Variants in LGR5 observed in about 807,000 individuals in gnomAD.
LGR5 encodes leucine rich repeat containing G protein-coupled receptor 5.
Under a neutral mutation model 76.7 loss-of-function variants are expected in LGR5, and 54 were observed. That is an observed-to-expected ratio of 0.70 (90% CI 0.57 to 0.88). The LOEUF (loss-of-function observed/expected upper bound fraction) is 0.88. Among genes scored for constraint, LGR5 ranks in the 40% least tolerant of loss-of-function variants. LGR5 has a pLI of 0.00. For missense variants in LGR5, 1,078 were observed against 1,073.3 expected (o/e 1.00, Z -0.06); for synonymous variants, 406 against 421.9 (o/e 0.96, Z 0.46).
At chr12:71,498,354 T>C (rs1413268813) in intron 1 of LGR5, among the ~76,000 whole-genome samples, 4 of 152,158 alleles carry the variant, frequency 2.6e-5, no homozygotes, top group African/African-American at 9.7e-5. Context: ...AAACTGGGTG[T>C]CTTAAACAAC....
At chr12:71,521,200 A>AT (rs1248272688) in intron 2 of LGR5, among the ~76,000 whole-genome samples, 1 of 152,234 alleles carries the variant, frequency 6.6e-6, no homozygotes, top group African/African-American at 2.4e-5. Flanking sequence ...AACATGGTGC[A>AT]TTGGGGACAA....
At chr12:71,537,866 C>T (rs930842081) in intron 4 of LGR5, among the ~76,000 whole-genome samples, 4 of 152,160 alleles carry the variant, frequency 2.6e-5, no homozygotes, top group African/African-American at 7.2e-5. Flanking sequence ...GTCTCCACTC[C>T]ATTGCCATCT....
At chr12:71,466,245 G>C (rs976044259) in intron 1 of LGR5, among the ~76,000 whole-genome samples, 1 of 152,184 alleles carries the variant, frequency 6.6e-6, no homozygotes, top group Non-Finnish European at 1.5e-5. Context: ...GAGTCAAATC[G>C]AAGGAGCAAG....
At chr12:71,560,488 C>A (rs964534148) in intron 7 of LGR5, among the ~76,000 whole-genome samples, 3 of 152,104 alleles carry the variant, frequency 2.0e-5, no homozygotes, top group Non-Finnish European at 4.4e-5. Context: ...AGAAGAAACC[C>A]CACATATAAG....
chr12:71,544,619 T>G (rs955633699), intron 4 of LGR5, among the ~76,000 whole-genome samples: 4 of 151,528 alleles, frequency 2.6e-5, no homozygotes, highest in Admixed American at 6.6e-5. Flanking sequence ...GGATTCAAGC[T>G]GTAAGAGTAC....
intron 1 of LGR5, among the ~76,000 whole-genome samples, chr12:71,498,909 G>C (rs1874460974): frequency 1.3e-5 from 2 of 152,220 alleles, no homozygotes; most frequent in Non-Finnish European, 2.9e-5. Context: ...CATTGATGAA[G>C]AGGTTCAAGG....
intron 1 of LGR5, among the ~76,000 whole-genome samples, chr12:71,474,497 G>C (rs750654723): frequency 6.6e-6 from 1 of 152,088 alleles, no homozygotes; most frequent in Non-Finnish European, 1.5e-5. Context: ...AGTTTAGGTG[G>C]GAGACCCACA....
intron 2 of LGR5, among the ~76,000 whole-genome samples, chr12:71,508,752 CAAAAAAAAA>C (rs35401076): frequency 1.1e-4 from 3 of 28,142 alleles, no homozygotes; most frequent in Non-Finnish European, 1.3e-4. Context: ...GACTCAGTCT[CAAAAAAAAA>C]AAAAAAAAAA....
rs550976144 is a variant in LGR5 at position 71,480,445 on chromosome 12, C to T, written c.213-24169C>T. On this transcript the variant is annotated intron_variant, in intron 1 of 17. Coordinates refer to ENST00000266674, the MANE Select transcript of LGR5 (RefSeq NM_003667.4). ...GGTGTGACTAGAGAGAGTTGGTGAA[C>T]GCTTCCTCTGGACAGAACCTTGTAC... Among the ~76,000 whole-genome samples the T allele has an allele frequency of 8.8e-4, 134 of 151,500 alleles. No homozygotes were observed. In the Middle Eastern group the frequency reaches 0.01, roughly 12 times the overall value.
chr12:71,564,589 C>T (rs1390069257), intron 8 of LGR5, among the ~76,000 whole-genome samples: 3 of 142,172 alleles, frequency 2.1e-5, no homozygotes, highest in Non-Finnish European at 4.6e-5. Flanking sequence ...ATATACGTAT[C>T]TGTACACACG....
rs1387779345 is a variant in LGR5, at chr12:71,583,830, G to A, written c.1820G>A (p.Gly607Glu). ...ATCGCAGCAGTGAACATGCTCACGG[G>A]AGTCTCCAGTGCCGTGCTGGCTGGT... is the stretch of plus-strand genomic sequence containing the variant. Reference protein sequence around the residue: ...GVIAAVNMLTGVSSAVLAGVD... With the variant: ...GVIAAVNMLTEVSSAVLAGVD... Residue 607 changes from glycine (G) to glutamate (E), a missense_variant, in exon 18 of 18, where the codon GGA becomes GAA. Coordinates refer to ENST00000266674, the MANE Select transcript of LGR5 (RefSeq NM_003667.4). 6.2e-7 allele frequency: 1 copy of A among 1,614,148 alleles called. No individual in the cohort carries two copies.
intron 8 of LGR5, among the ~76,000 whole-genome samples, chr12:71,565,336 T>A (rs188162355): frequency 2.0e-5 from 3 of 151,450 alleles, no homozygotes; most frequent in Admixed American, 2.0e-4. Context: ...TGCCAAGGTG[T>A]CTGAGCCTCA....
chr12:71,572,242 C>G (rs910180320), intron 12 of LGR5, among the ~76,000 whole-genome samples: 5 of 152,112 alleles, frequency 3.3e-5, no homozygotes, highest in Admixed American at 6.6e-5. Flanking sequence ...ATCACCATGC[C>G]TGGCTAATTT....
At chr12:71,498,113 A>G (rs1249296854) in intron 1 of LGR5, among the ~76,000 whole-genome samples, 1 of 152,208 alleles carries the variant, frequency 6.6e-6, no homozygotes, top group East Asian at 1.9e-4. Context: ...GCATGGGGGT[A>G]GAAGGGCACC....
intron 1 of LGR5, among the ~76,000 whole-genome samples, chr12:71,500,500 T>A (rs900346119): frequency 2.0e-5 from 3 of 152,318 alleles, no homozygotes; most frequent in South Asian, 2.1e-4. Flanking sequence ...TACAGTGGTG[T>A]GACCATGGCT....
chr12:71,490,435 A>G (rs1264112253), intron 1 of LGR5, among the ~76,000 whole-genome samples: 1 of 152,202 alleles, frequency 6.6e-6, no homozygotes, highest in Admixed American at 6.5e-5. Flanking sequence ...GGTTTTCTCC[A>G]TCATTAGGCA....
intron 1 of LGR5, among the ~76,000 whole-genome samples, chr12:71,461,259 C>G (rs1445686657): frequency 2.6e-5 from 4 of 152,086 alleles, no homozygotes; most frequent in Non-Finnish European, 5.9e-5. Context: ...CCTTTTATCT[C>G]CTGGGAATGA....
intron 1 of LGR5, among the ~76,000 whole-genome samples, chr12:71,455,055 C>T (rs755721528): frequency 5.3e-5 from 8 of 152,056 alleles, no homozygotes; most frequent in Non-Finnish European, 1.2e-4. Context: ...AACTTGCCAA[C>T]ACATTAGTTC....
chr12:71,471,065 G>A (rs10879288), intron 1 of LGR5, among the ~76,000 whole-genome samples: 10,490 of 152,236 alleles, frequency 0.069, 398 homozygotes, highest in African/African-American at 0.092. Context: ...CCTATCTGGT[G>A]TACAGTATTT....
Sources: allele counts gnomAD v4.1 joint callset (sites outside exome capture counted in the v4.1 genomes callset), GRCh38; gene constraint gnomAD v4.1.1; transcripts MANE v1.5; gene names NCBI Gene and HGNC (gene_info 2026-07-23, HGNC 2026-07-21).